The following DCX variants were observed in gnomAD, a reference collection of about 807,000 sequenced individuals.
The protein encoded by DCX is doublecortin.
Under a neutral mutation model 20.9 loss-of-function variants are expected in DCX, and 4 were observed. That is an observed-to-expected ratio of 0.19 (90% CI 0.09 to 0.44). The LOEUF (loss-of-function observed/expected upper bound fraction) is 0.44. DCX is among the 20% of genes least tolerant of loss of function. The pLI is 0.99. For synonymous variants in DCX, 103 were observed against 111.4 expected (o/e 0.92, Z 0.47); for missense variants, 133 against 296.9 (o/e 0.45, Z 4.06).
intron 5 of DCX, among the ~76,000 whole-genome samples, chrX:111,327,776 G>A (rs749558184): frequency 3.0e-4 from 34 of 111,868 alleles, no homozygotes; most frequent in Non-Finnish European, 5.1e-4. Context: ...AGGGAAAATG[G>A]GTATAGCAAA....
chrX:111,301,298 C>T lies in DCX; in HGVS notation c.*389G>A. The stretch of plus-strand genomic sequence containing the variant: ...GGATCTGCCAATGAGTTTTTTTTTT[C>T]CCACACAAACATTTTAAGTGCTGTA... On this transcript the variant is annotated 3_prime_UTR_variant, in exon 7 of 7. Coordinates refer to ENST00000636035, the MANE Select transcript of DCX (RefSeq NM_001195553.2). 2 of 154,566 alleles carry T rather than the reference C, an allele frequency of 1.3e-5. No individual in the cohort carries two copies. The highest frequency in any genetic ancestry group is 3.1e-5 in the African/African-American group (1 of 32,678). The allele number at this position is 154,566 out of a possible 1,213,427, so 12.7% of individuals were successfully genotyped here. A position where few individuals can be genotyped will look rare whatever the true frequency, so the allele number is the denominator to read the frequency against.
chrX:111,378,021 G>A (rs758082257), intron 3 of DCX, among the ~76,000 whole-genome samples: 3 of 111,540 alleles, frequency 2.7e-5, no homozygotes, highest in South Asian at 3.8e-4. Context: ...AGGACAAAAC[G>A]TAGGGGCCAA....
At chrX:111,312,548 G>A (rs1603412725) in intron 6 of DCX, 91 bp downstream of exon 6, 1 of 948,706 alleles carries the variant, frequency 1.1e-6, no homozygotes, top group Non-Finnish European at 1.5e-6. Context: ...TGGCCTTAAT[G>A]TGCTGTTGAG....
intron 3 of DCX, among the ~76,000 whole-genome samples, chrX:111,355,514 C>G (rs1053369561): frequency 9.0e-6 from 1 of 111,189 alleles, no homozygotes; most frequent in African/African-American, 3.3e-5. Context: ...TCATTAATAT[C>G]TTTAATGTCT....
chrX:111,399,422 G>A (rs1339969752), intron 3 of DCX, among the ~76,000 whole-genome samples: 3 of 111,789 alleles, frequency 2.7e-5, no homozygotes, highest in Non-Finnish European at 5.6e-5. Flanking sequence ...CCAGTCTTAT[G>A]TTTTTGATTT....
At chrX:111,304,095 A>G (rs1190872660) in intron 6 of DCX, among the ~76,000 whole-genome samples, 1 of 112,320 alleles carries the variant, frequency 8.9e-6, no homozygotes, top group African/African-American at 3.2e-5. Context: ...ATGCCAAGGA[A>G]ATACTAGAAA....
chrX:111,332,887 A>G (rs1921380229), intron 4 of DCX, among the ~76,000 whole-genome samples, 164 bp downstream of exon 4: 1 of 111,291 alleles, frequency 9.0e-6, no homozygotes, highest in South Asian at 3.8e-4. Flanking sequence ...TCAGTCTTAC[A>G]TGGGTCATGA....
intron 6 of DCX, among the ~76,000 whole-genome samples, chrX:111,310,812 C>T (rs1231559688): frequency 1.8e-5 from 2 of 112,309 alleles, no homozygotes; most frequent in African/African-American, 6.5e-5. Context: ...AATAAACAAA[C>T]AAGCTATAAG....
At chrX:111,375,322 G>C (rs1925447473) in intron 3 of DCX, among the ~76,000 whole-genome samples, 1 of 111,203 alleles carries the variant, frequency 9.0e-6, no homozygotes, top group Admixed American at 9.6e-5. Flanking sequence ...CTGTACTATA[G>C]TTATGTAAGA....
chrX:111,302,207 C>T (rs2095035735), intron 6 of DCX, among the ~76,000 whole-genome samples: 1 of 111,814 alleles, frequency 8.9e-6, no homozygotes, highest in African/African-American at 3.3e-5. Flanking sequence ...TGAAACCATA[C>T]AGTATATAAC....
chrX:111,348,923 T>C (rs1365696012), intron 3 of DCX, among the ~76,000 whole-genome samples: 2 of 110,823 alleles, frequency 1.8e-5, no homozygotes, highest in Non-Finnish European at 3.8e-5. Context: ...ACCTGCATTC[T>C]AGGTTACAAC....
chrX:111,324,224 C>T (rs1267801960), intron 5 of DCX, among the ~76,000 whole-genome samples: 2 of 111,146 alleles, frequency 1.8e-5, no homozygotes, highest in Non-Finnish European at 3.8e-5. Context: ...CCATATTCAT[C>T]ACCACCTCTG....
chrX:111,324,021 T>C (rs1309286303), intron 5 of DCX, among the ~76,000 whole-genome samples: 1 of 111,432 alleles, frequency 9.0e-6, no homozygotes, highest in Non-Finnish European at 1.9e-5. Flanking sequence ...CACCAGGGTG[T>C]TGAACCCGGG....
chrX:111,313,290 GT>G (rs2095061734), intron 5 of DCX, among the ~76,000 whole-genome samples: 1 of 110,566 alleles, frequency 9.0e-6, no homozygotes, highest in Admixed American at 9.7e-5. Flanking sequence ...CATTCTGCAT[GT>G]GTGAAAAGAA....
chrX:111,309,122 C>G (rs1048980966), intron 6 of DCX, among the ~76,000 whole-genome samples: 2 of 112,174 alleles, frequency 1.8e-5, no homozygotes, highest in African/African-American at 3.2e-5. Flanking sequence ...TACTTCGTGT[C>G]CATATTGTAA....
chrX:111,309,031 G>A (rs2095051834), intron 6 of DCX, among the ~76,000 whole-genome samples: 1 of 111,128 alleles, frequency 9.0e-6, no homozygotes, highest in Non-Finnish European at 1.9e-5. Context: ...ATATCACAAG[G>A]GTAAATGATA....
chrX:111,325,249 G>A (rs190360392), intron 5 of DCX, among the ~76,000 whole-genome samples: 10 of 111,379 alleles, frequency 9.0e-5, no homozygotes, highest in African/African-American at 2.9e-4. Context: ...GGGAGAAGGG[G>A]AAAAGAAGCC....
rs753221118 is a variant in DCX, at chrX:111,365,331, A to AT, written c.706-32179dup. On this transcript the variant is annotated intron_variant, in intron 3 of 6. Transcript: ENST00000636035. ...TAAAATTTTGTGTGTGTGCTTTTTA[A>AT]TTTTTTTAAAATTAAAAAAAACTTT... Among the ~76,000 whole-genome samples, 849 of 109,721 alleles carry AT rather than the reference A, an allele frequency of 7.7e-3. 2 individuals are homozygous for AT. The highest frequency in any genetic ancestry group is 9.8e-3 in the Non-Finnish European group (517 of 52,774).
intron 3 of DCX, among the ~76,000 whole-genome samples, chrX:111,348,452 A>G (rs1204910321): frequency 2.7e-5 from 3 of 111,239 alleles, no homozygotes; most frequent in South Asian, 3.8e-4. Context: ...TGTCTTTGCC[A>G]TTTTTCCAAG....
Sources: gnomAD v4.1 joint callset for allele counts (sites outside exome capture counted in the v4.1 genomes callset) on GRCh38, gnomAD v4.1.1 for gene constraint, MANE v1.5 for transcripts, NCBI Gene and HGNC (gene_info 2026-07-23, HGNC 2026-07-21) for gene names.